Variants in EXOC4 observed in about 807,000 individuals in gnomAD.
EXOC4 encodes the protein SEC8-like 1.
A neutral mutation model predicts 107.2 loss-of-function variants in EXOC4; 71 were observed. The ratio of observed to expected loss-of-function variants is 0.66; its 90% CI spans 0.55 to 0.81. The LOEUF (loss-of-function observed/expected upper bound fraction) is 0.81, where lower values mean the gene tolerates loss of function less well. Ranked by LOEUF, EXOC4 falls within the 30% of genes least tolerant of loss-of-function variation. The pLI is 0.00. For synonymous variants in EXOC4, 456 were observed against 441.2 expected (o/e 1.03, Z -0.42); for missense variants, 1,108 against 1,189.6 (o/e 0.93, Z 1.01).
chr7:133,605,586 T>C (rs1280643082), intron 9 of EXOC4, among the ~76,000 whole-genome samples: 1 of 152,218 alleles, frequency 6.6e-6, no homozygotes, highest in Non-Finnish European at 1.5e-5. Flanking sequence ...TACTTTGTTT[T>C]TCCTGAAGTA....
intron 14 of EXOC4, among the ~76,000 whole-genome samples, chr7:133,987,537 G>A (rs757931414): frequency 1.3e-5 from 2 of 152,176 alleles, no homozygotes; most frequent in African/African-American, 2.4e-5. Context: ...TTTATCCCAA[G>A]TTAGAGTAGA....
chr7:133,985,622 T>G (rs755450422), intron 14 of EXOC4, among the ~76,000 whole-genome samples: 1 of 152,342 alleles, frequency 6.6e-6, no homozygotes, highest in Middle Eastern at 3.4e-3. Flanking sequence ...ACTCTTAACC[T>G]TCTCTTTGTT....
chr7:133,566,746 TACTC>T (rs1050011419), intron 9 of EXOC4, among the ~76,000 whole-genome samples: 1 of 152,246 alleles, frequency 6.6e-6, no homozygotes, highest in African/African-American at 2.4e-5. Flanking sequence ...ATAGAATAGA[TACTC>T]AATAAATATT....
At chr7:133,853,185 G>C (rs79238907) in intron 11 of EXOC4, among the ~76,000 whole-genome samples, 3,367 of 152,170 alleles carry the variant, frequency 0.022, 139 homozygotes, top group African/African-American at 0.077. Flanking sequence ...GCATGACATG[G>C]AGGGTAACTA....
chr7:133,714,236 A>G (rs1232386624), intron 10 of EXOC4, among the ~76,000 whole-genome samples: 1 of 152,220 alleles, frequency 6.6e-6, no homozygotes, highest in Non-Finnish European at 1.5e-5. Flanking sequence ...AGCTGGAGCC[A>G]CAGTTCACCG....
intron 9 of EXOC4, among the ~76,000 whole-genome samples, chr7:133,547,725 A>G (rs1036712590): frequency 2.0e-5 from 3 of 152,082 alleles, no homozygotes; most frequent in African/African-American, 7.2e-5. Context: ...TGTTTGTTCA[A>G]GTTTTATCAT....
intron 9 of EXOC4, among the ~76,000 whole-genome samples, chr7:133,577,478 C>T (rs1163799265): frequency 6.6e-6 from 1 of 152,156 alleles, no homozygotes; most frequent in Admixed American, 6.5e-5. Context: ...TAAATAGCAT[C>T]TAATGTGATT....
chr7:133,734,268 T>C (rs1239748808), intron 10 of EXOC4, among the ~76,000 whole-genome samples: 1 of 152,186 alleles, frequency 6.6e-6, no homozygotes, highest in East Asian at 1.9e-4. Context: ...ACATCCCAAG[T>C]ACTAGGAAGA....
At chr7:133,759,801 C>T (rs907279202) in intron 10 of EXOC4, among the ~76,000 whole-genome samples, 2 of 151,802 alleles carry the variant, frequency 1.3e-5, no homozygotes, top group African/African-American at 4.8e-5. Flanking sequence ...ATGTTGGGGG[C>T]GTGGGGGTGG....
At chr7:133,878,913 T>C (rs1042798131) in intron 11 of EXOC4, among the ~76,000 whole-genome samples, 4 of 151,864 alleles carry the variant, frequency 2.6e-5, no homozygotes, top group Non-Finnish European at 5.9e-5. Flanking sequence ...TTAGTAGAGA[T>C]GGGGTTTCAT....
intron 9 of EXOC4, among the ~76,000 whole-genome samples, chr7:133,602,181 AG>A (rs1488703003): frequency 1.3e-5 from 2 of 152,214 alleles, no homozygotes; most frequent in East Asian, 3.9e-4. Flanking sequence ...TATATGTAAA[AG>A]GGTTTTGGAA....
the EXOC4 span, among the ~76,000 whole-genome samples, chr7:134,071,669 A>G: frequency 2.0e-5 from 3 of 152,162 alleles, no homozygotes; most frequent in African/African-American, 7.2e-5. Context: ...GGAAGGCCCT[A>G]TTATCATCCT....
intron 17 of EXOC4, chr7:134,009,912 T>C (rs1202572136): frequency 6.6e-6 from 1 of 152,128 alleles, no homozygotes; most frequent in African/African-American, 2.4e-5. Context: ...CATCAGCAGG[T>C]CATGTGCCGA....
intron 7 of EXOC4, among the ~76,000 whole-genome samples, chr7:133,451,607 A>G (rs1475565995): frequency 1.3e-5 from 2 of 151,786 alleles, no homozygotes; most frequent in East Asian, 3.9e-4. Context: ...CTATTTGTAT[A>G]TTTTCCTCTC....
intron 11 of EXOC4, among the ~76,000 whole-genome samples, chr7:133,849,764 G>A (rs974933917): frequency 7.2e-5 from 11 of 152,108 alleles, no homozygotes; most frequent in Non-Finnish European, 1.3e-4. Flanking sequence ...TGCCTAACAC[G>A]TAGTAGGTAC....
intron 10 of EXOC4, among the ~76,000 whole-genome samples, chr7:133,786,748 T>G (rs1796576756): frequency 6.6e-6 from 1 of 152,218 alleles, no homozygotes; most frequent in African/African-American, 2.4e-5. Context: ...CCATGTAAGA[T>G]CCAACAGTGA....
chr7:134,084,748 C>T, the EXOC4 span, among the ~76,000 whole-genome samples: 1 of 147,278 alleles, frequency 6.8e-6, no homozygotes, highest in Non-Finnish European at 1.5e-5. Context: ...AAAGGACAGC[C>T]TCCCCACCCC....
intron 14 of EXOC4, among the ~76,000 whole-genome samples, chr7:133,972,461 A>G (rs908070768): frequency 2.0e-5 from 3 of 152,172 alleles, no homozygotes; most frequent in African/African-American, 7.2e-5. Flanking sequence ...AACTTTCTGG[A>G]TTAGGGAGTT....
chr7:133,340,319 C>G (rs915638065), intron 5 of EXOC4, among the ~76,000 whole-genome samples: 1 of 151,432 alleles, frequency 6.6e-6, no homozygotes, highest in Non-Finnish European at 1.5e-5. Context: ...CATTTATTGT[C>G]TTTTGGATGT....
Sources: gnomAD v4.1 joint callset for allele counts (sites outside exome capture counted in the v4.1 genomes callset) on GRCh38, gnomAD v4.1.1 for gene constraint, MANE v1.5 for transcripts, NCBI Gene and HGNC (gene_info 2026-07-23, HGNC 2026-07-21) for gene names.